The following DOK6 variants were observed in gnomAD, a reference collection of about 807,000 sequenced individuals.
DOK6 encodes the protein docking protein 6, also known as downstream of tyrosine kinase 6.
DOK6 carries 22 observed loss-of-function variants against 44.0 expected under a neutral mutation model. The observed-to-expected ratio is 0.50, with a 90% CI of 0.36 to 0.71. The LOEUF (loss-of-function observed/expected upper bound fraction) is 0.71. Ranked by LOEUF, DOK6 falls within the 30% of genes least tolerant of loss-of-function variation. DOK6 has a pLI of 0.00. For missense variants in DOK6, 340 were observed against 416.4 expected (o/e 0.82, Z 1.60); for synonymous variants, 166 against 145.5 (o/e 1.14, Z -1.01).
intron 3 of DOK6, among the ~76,000 whole-genome samples, chr18:69,651,100 G>A (rs1985213043): frequency 6.6e-6 from 1 of 152,130 alleles, no homozygotes; most frequent in African/African-American, 2.4e-5. Context: ...ACTTCCCAGA[G>A]GAAATAGAAG....
chr18:69,591,519 T>C (rs996672480), intron 2 of DOK6, among the ~76,000 whole-genome samples: 11 of 152,170 alleles, frequency 7.2e-5, no homozygotes, highest in Non-Finnish European at 1.5e-4. Context: ...AAAATTAAAA[T>C]TTGGGAATCT....
chr18:69,648,768 C>A (rs556841403), intron 3 of DOK6, among the ~76,000 whole-genome samples: 7 of 152,272 alleles, frequency 4.6e-5, no homozygotes, highest in African/African-American at 1.4e-4. Flanking sequence ...ATCAGAACAG[C>A]CCCCTGTTCC....
chr18:69,705,551 C>CT (rs1986615103), intron 5 of DOK6, among the ~76,000 whole-genome samples: 2 of 152,084 alleles, frequency 1.3e-5, no homozygotes, highest in South Asian at 4.1e-4. Flanking sequence ...AATGGGTATC[C>CT]TACCCTTGAG....
chr18:69,845,308 T>C lies in DOK6; in HGVS notation c.*3925T>C, dbSNP rs996357927. 1.3e-5 allele frequency: 2 copies of C among 152,244 alleles called. No homozygotes were observed. The highest frequency in any genetic ancestry group is 3.8e-4 in the East Asian group (2 of 5,206). 9.4% of individuals were successfully genotyped at this position (152,244 alleles called of 1,614,324 possible). On this transcript the variant is annotated 3_prime_UTR_variant, in exon 8 of 8. Coordinates refer to ENST00000382713, the MANE Select transcript of DOK6 (RefSeq NM_152721.6). ...TAACAATTCGTGTTTTAAAATATTA[T>C]ATTGAAGACTGCACAAAGAGAAAAT...
intron 1 of DOK6, among the ~76,000 whole-genome samples, chr18:69,419,929 G>A (rs907906181): frequency 6.6e-6 from 1 of 152,096 alleles, no homozygotes; most frequent in African/African-American, 2.4e-5. Context: ...TTTGTAATTA[G>A]CTTCAGCAAT....
At chr18:69,536,627 C>T (rs1982129745) in intron 1 of DOK6, among the ~76,000 whole-genome samples, 2 of 151,940 alleles carry the variant, frequency 1.3e-5, no homozygotes, top group Non-Finnish European at 2.9e-5. Context: ...AATTTTTATT[C>T]TTGGTCTAAA....
At chr18:69,831,388 C>A (rs1268464319) in intron 7 of DOK6, among the ~76,000 whole-genome samples, 1 of 152,194 alleles carries the variant, frequency 6.6e-6, no homozygotes, top group Non-Finnish European at 1.5e-5. Flanking sequence ...CAGACACACT[C>A]AGAAATAATG....
intron 1 of DOK6, among the ~76,000 whole-genome samples, chr18:69,463,705 CTA>C (rs1459601976): frequency 1.2e-3 from 178 of 151,038 alleles, no homozygotes; most frequent in African/African-American, 4.2e-3. Context: ...GTGTGTGTGT[CTA>C]TGTGTGTATG....
chr18:69,538,836 G>A (rs781461156), intron 1 of DOK6, among the ~76,000 whole-genome samples: 35 of 151,660 alleles, frequency 2.3e-4, no homozygotes, highest in Non-Finnish European at 5.0e-4. Context: ...CCTTCTTCTT[G>A]GATCCCTTTT....
At chr18:69,705,070 A>T (rs1599274353) in intron 5 of DOK6, 1 of 152,130 alleles carries the variant, frequency 6.6e-6, no homozygotes, top group South Asian at 2.1e-4. Flanking sequence ...CCTCTATTCC[A>T]CTTGGTTCTG....
intron 5 of DOK6, among the ~76,000 whole-genome samples, chr18:69,723,371 G>A (rs1978292300): frequency 6.6e-6 from 1 of 152,152 alleles, no homozygotes; most frequent in Admixed American, 6.5e-5. Flanking sequence ...TGTCTGTGTT[G>A]GTGAAAGCAC....
intron 7 of DOK6, among the ~76,000 whole-genome samples, chr18:69,760,338 G>A (rs1381011915): frequency 6.6e-6 from 1 of 152,114 alleles, no homozygotes; most frequent in Non-Finnish European, 1.5e-5. Flanking sequence ...ACATTTAGAA[G>A]CCTAGTTATC....
At position 69,448,644 on chromosome 18, in the gene DOK6, G is replaced by A. The variant is rs143937997; in HGVS notation, c.66+47334G>A. ...CCACCTCAGCCTCCCAAACTGCTGG[G>A]ATTACAGGTGTGAGCCACCGTGCCC... On this transcript the variant is annotated intron_variant, in intron 1 of 7. Coordinates refer to ENST00000382713, the MANE Select transcript of DOK6 (RefSeq NM_152721.6). Among the ~76,000 whole-genome samples, 778 of 152,272 alleles carry A rather than the reference G, an allele frequency of 5.1e-3. 5 individuals carry two copies. The highest frequency in any genetic ancestry group is 8.5e-3 in the Non-Finnish European group (580 of 68,014).
At chr18:69,524,419 G>A (rs937291571) in intron 1 of DOK6, among the ~76,000 whole-genome samples, 1 of 151,996 alleles carries the variant, frequency 6.6e-6, no homozygotes, top group Non-Finnish European at 1.5e-5. Flanking sequence ...GAGCCTCTGT[G>A]TGAAATTAGA....
intron 1 of DOK6, among the ~76,000 whole-genome samples, chr18:69,493,783 A>G (rs554969292): frequency 2.0e-5 from 3 of 152,310 alleles, no homozygotes; most frequent in African/African-American, 7.2e-5. Context: ...GGCTTTTTTC[A>G]TGCCACACCC....
chr18:69,662,291 C>T (rs1236069281), intron 3 of DOK6: 3 of 152,388 alleles, frequency 2.0e-5, no homozygotes, highest in Non-Finnish European at 4.4e-5. Flanking sequence ...CCAGGAGCTA[C>T]TCTTTATAGT....
At chr18:69,677,916 G>T in intron 4 of DOK6, 63 bp downstream of exon 4, 1 of 1,555,542 alleles carries the variant, frequency 6.4e-7, no homozygotes, top group Admixed American at 1.9e-5. Flanking sequence ...CTTTGAAACT[G>T]GAAAGGATCT....
chr18:69,544,667 A>C (rs1982355136), intron 1 of DOK6, among the ~76,000 whole-genome samples: 1 of 151,464 alleles, frequency 6.6e-6, no homozygotes, highest in Non-Finnish European at 1.5e-5. Context: ...GGCATGATCA[A>C]ACCCTATGCT....
chr18:69,693,375 C>G (rs568263417), intron 4 of DOK6, among the ~76,000 whole-genome samples: 86 of 148,648 alleles, frequency 5.8e-4, no homozygotes, highest in African/African-American at 1.9e-3. Flanking sequence ...TTTCTTCTAA[C>G]TAACATACAA....
Sources: allele counts gnomAD v4.1 joint callset (sites outside exome capture counted in the v4.1 genomes callset), GRCh38; gene constraint gnomAD v4.1.1; transcripts MANE v1.5; gene names NCBI Gene and HGNC (gene_info 2026-07-23, HGNC 2026-07-21).